Variants in SUPT5H observed in about 807,000 individuals in gnomAD.
SUPT5H encodes the protein SPT5 homolog, DSIF elongation factor subunit, also known as transcription elongation factor SPT5.
In SUPT5H, 24 loss-of-function variants were observed where a neutral mutation model predicts 142.5. The observed-to-expected ratio is 0.17, with a 90% CI of 0.12 to 0.24. SUPT5H has a LOEUF of 0.24. Ranked by LOEUF, SUPT5H falls within the 10% of genes least tolerant of loss-of-function variation. The pLI is 1.00. For missense variants in SUPT5H, 893 were observed against 1,471.8 expected (o/e 0.61, Z 6.43); for synonymous variants, 546 against 553.0 (o/e 0.99, Z 0.18).
chr19:39,450,731 C>G (rs2079010916), intron 2 of SUPT5H, among the ~76,000 whole-genome samples: 1 of 152,164 alleles, frequency 6.6e-6, no homozygotes, highest in African/African-American at 2.4e-5. Context: ...AAGGACAAGA[C>G]CTTAAGCTAC....
Position 39,458,056 on chromosome 19 carries a change from C to G in SUPT5H, c.308-238C>G, listed in dbSNP as rs2079113696. ...CCCCCCACTTCCTGGGCCAGTGCCC[C>G]CCTTTCCCCGTTATTTTCCGTTCTG... On this transcript the variant is annotated intron_variant, in intron 4 of 29. Coordinates refer to ENST00000432763, the MANE Select transcript of SUPT5H (RefSeq NM_001111020.3). The surrounding 1 kb of genome is among the most constrained non-coding windows in gnomAD (Gnocchi z 4.2). The G allele has an allele frequency of 1.3e-6, 1 of 758,756 alleles. No individual in the cohort carries two copies. The highest frequency in any genetic ancestry group is 2.1e-6 in the Non-Finnish European group (1 of 476,352). 47.0% of individuals were successfully genotyped at this position (758,756 alleles called of 1,614,324 possible). A position where few individuals can be genotyped will look rare whatever the true frequency, so the allele number is the denominator to read the frequency against.
chr19:39,474,767 C>G lies in SUPT5H; in HGVS notation c.3024+49C>G. 4 of 1,549,988 alleles carry G rather than the reference C, an allele frequency of 2.6e-6. No individual in the cohort carries two copies. Among genetic ancestry groups the G allele is most frequent in the Non-Finnish European group, 3.5e-6 (4 of 1,143,398 alleles). On this transcript the variant is annotated intron_variant, in intron 28 of 29. Transcript: ENST00000432763. This position sits in a 1 kb window ranked among gnomAD's most constrained non-coding sequence, Gnocchi z 6.5. ...GTGAGCAGGCATCCTCTCCTTGGTACCCCCTAAACTGGAGACAGACCTGTC... is the reference window on the plus strand; with the variant it reads ...GTGAGCAGGCATCCTCTCCTTGGTAGCCCCTAAACTGGAGACAGACCTGTC...
chr19:39,474,178 C>G lies in SUPT5H; in HGVS notation c.2652-56C>G. Reference sequence around the variant, plus strand: ...CCTGCCCAAACCCTCCTACTGCCACCACCTCTTTTCCCCTCCCTCCTCCAA... The same window carrying G: ...CCTGCCCAAACCCTCCTACTGCCACGACCTCTTTTCCCCTCCCTCCTCCAA... On this transcript the variant is annotated intron_variant, in intron 26 of 29. Transcript: ENST00000432763. This position sits in a 1 kb window ranked among gnomAD's most constrained non-coding sequence, Gnocchi z 6.5. 3.7e-6 allele frequency: 6 copies of G among 1,611,758 alleles called. No homozygotes were observed. Among genetic ancestry groups the G allele is most frequent in the Non-Finnish European group, 5.1e-6 (6 of 1,178,798 alleles).
At chr19:39,445,765 A>T in intron 1 of SUPT5H, 39 bp from the exon 2 acceptor site, 1 of 1,125,658 alleles carries the variant, frequency 8.9e-7, no homozygotes, top group Non-Finnish European at 1.3e-6. Flanking sequence ...TGCCAAAACG[A>T]GCCTGCCGGA....
Position 39,469,182 on chromosome 19 carries a change from C to A in SUPT5H, c.1237+10C>A, listed in dbSNP as rs769970708. On this transcript the variant is annotated intron_variant, in intron 15 of 29. Transcript: ENST00000432763. The surrounding 1 kb of genome is among the most constrained non-coding windows in gnomAD (Gnocchi z 5.1). ...GTGACTGAGAGCACAGGTATTTGAT[C>A]CCCCTCTATAACCTGGGCCAAGGAG... 6 of 1,614,076 alleles carry A rather than the reference C, an allele frequency of 3.7e-6. No individual in the cohort carries two copies. The Admixed American group carries it at 6.7e-5, about 18-fold the overall frequency.
chr19:39,446,979 G>T (rs2078962209), intron 2 of SUPT5H, among the ~76,000 whole-genome samples: 1 of 152,204 alleles, frequency 6.6e-6, no homozygotes, highest in South Asian at 2.1e-4. Flanking sequence ...CTGCACTGCA[G>T]CCTGGGCGAC....
At chr19:39,471,965 G>A (rs2079327023) in intron 20 of SUPT5H, 2 of 602,532 alleles carry the variant, frequency 3.3e-6, no homozygotes, top group African/African-American at 3.7e-5. Flanking sequence ...CCAGACACTG[G>A]AGAACCAGTG....
intron 2 of SUPT5H, among the ~76,000 whole-genome samples, chr19:39,449,537 C>G (rs2078994138): frequency 6.6e-6 from 1 of 152,090 alleles, no homozygotes; most frequent in Admixed American, 6.6e-5. Flanking sequence ...TCACAGTGGT[C>G]AGGGCTGTGA....
intron 3 of SUPT5H, 43 bp downstream of exon 3, chr19:39,453,564 T>G: frequency 6.9e-7 from 1 of 1,453,042 alleles, no homozygotes; most frequent in Non-Finnish European, 9.1e-7. Flanking sequence ...AGGCTGAGCT[T>G]CTACTTTTAG....
intron 3 of SUPT5H, among the ~76,000 whole-genome samples, chr19:39,454,398 A>G (rs1163676030): frequency 1.4e-5 from 2 of 139,686 alleles, no homozygotes; most frequent in Non-Finnish European, 3.0e-5. Flanking sequence ...CTCAGGCTGG[A>G]GTGCAGTGGT....
chr19:39,475,101 G>T (rs930536106), intron 28 of SUPT5H: 1 of 283,286 alleles, frequency 3.5e-6, no homozygotes, highest in Admixed American at 4.9e-5. Flanking sequence ...GCCAAAGGGG[G>T]CCAAGCAGTG....
In SUPT5H at chr19:39,469,035, C is replaced by A. The variant is rs530284965; in HGVS notation, c.1144-44C>A. The A allele has an allele frequency of 1.2e-6, 2 of 1,611,334 alleles. No homozygotes were observed. The highest frequency in any genetic ancestry group is 1.7e-5 in the Admixed American group (1 of 60,012). On this transcript the variant is annotated intron_variant, in intron 14 of 29. Transcript: ENST00000432763. The surrounding 1 kb of genome is among the most constrained non-coding windows in gnomAD (Gnocchi z 5.1). ...CCACTCAGCTGGGCTGTTGCACTGACCTCGGTCCATTTCCTTCTCTTCCCC... is the reference window on the plus strand; with the variant it reads ...CCACTCAGCTGGGCTGTTGCACTGAACTCGGTCCATTTCCTTCTCTTCCCC...
chr19:39,459,894 T>C lies in SUPT5H; in HGVS notation c.558T>C (p.Ile186=). 1 of 1,614,108 alleles carries C rather than the reference T, an allele frequency of 6.2e-7. No individual in the cohort carries two copies. ...DPNLWTVKCK[I]GEERATAISL... ...CAAATCTGCCTCTCATCTTCCAGAT[T>C]GGGGAGGAACGGGCCACGGCCATTT... The change falls in exon 10 of 30, where the codon ATT becomes ATC. Residue 186 remains isoleucine, a splice_region_variant and synonymous_variant. Coordinates refer to ENST00000432763, the MANE Select transcript of SUPT5H (RefSeq NM_001111020.3).
intron 13 of SUPT5H, chr19:39,467,105 G>A (rs556507092): frequency 1.2e-5 from 2 of 168,860 alleles, no homozygotes; most frequent in Middle Eastern, 6.1e-3. Context: ...TGATGAGGCT[G>A]GGCGTGATGG....
rs1473325335 is a variant in SUPT5H, at chr19:39,446,076, C to G, written c.75+111C>G. The stretch of plus-strand genomic sequence containing the variant: ...CACAGCGGGCTCTGGCTTCTGGGAA[C>G]TCCCAGATTGTCTCAAGAGATAGAG... On this transcript the variant is annotated intron_variant, in intron 2 of 29. Coordinates refer to ENST00000432763, the MANE Select transcript of SUPT5H (RefSeq NM_001111020.3). 3.4e-6 allele frequency: 4 copies of G among 1,169,072 alleles called. No individual in the cohort carries two copies. In the African/African-American group the frequency reaches 6.1e-5, roughly 18 times the overall value. 72.4% of individuals were successfully genotyped at this position (1,169,072 alleles called of 1,614,324 possible).
intron 2 of SUPT5H, among the ~76,000 whole-genome samples, chr19:39,447,275 G>A (rs1262187158): frequency 6.6e-6 from 1 of 152,118 alleles, no homozygotes; most frequent in Non-Finnish European, 1.5e-5. Flanking sequence ...TAAGGAATTT[G>A]GTCTTAACTG....
chr19:39,461,723 C>T (rs1294238945), intron 10 of SUPT5H, among the ~76,000 whole-genome samples: 1 of 150,610 alleles, frequency 6.6e-6, no homozygotes, highest in Non-Finnish European at 1.5e-5. Flanking sequence ...ACTTGGGAGG[C>T]TGAGACAGGA....
Position 39,472,867 on chromosome 19 carries a change from G to A in SUPT5H, c.2093G>A (p.Arg698Gln). 2 of 1,613,718 alleles carry A rather than the reference G, an allele frequency of 1.2e-6. No individual in the cohort carries two copies. The highest frequency in any genetic ancestry group is 1.3e-5 in the African/African-American group (1 of 75,028). Residue 698 changes from arginine to glutamine, a missense_variant, in exon 22 of 30, where the codon CGG (arginine) becomes CAG (glutamine). Around this residue, in one of 6 missense-constraint regions of SUPT5H, gnomAD observed 336 missense variants for 546.5 expected, o/e 0.61. Coordinates refer to ENST00000432763, the MANE Select transcript of SUPT5H (RefSeq NM_001111020.3). This position sits in a 1 kb window ranked among gnomAD's most constrained non-coding sequence, Gnocchi z 4.2. ...GGGSGGMSRG[R>Q]GRRDNELIGQ... ...GGCAGTGGTGGCATGAGCAGGGGCC[G>A]GGGCCGGAGGGACAACGAACTCATC...
At position 39,476,258 on chromosome 19, in the gene SUPT5H, G is replaced by T. The variant is rs767010792; in HGVS notation, c.3123G>T (p.Val1041=). ...GACCATATTCCCCCCACCCCCAGGT[G>T]AAAGTGATCCTGGGCGAGGATCGGG... ...EPITPTKNNK[V]KVILGEDREA... is the part of the protein sequence containing the mutation. The change falls in exon 30 of 30, where the codon GTG becomes GTT. Residue 1041 remains valine (V), a splice_region_variant and synonymous_variant. Coordinates refer to ENST00000432763, the MANE Select transcript of SUPT5H (RefSeq NM_001111020.3). 2 of 1,613,996 alleles carry T rather than the reference G, an allele frequency of 1.2e-6. No individual in the cohort carries two copies. The highest frequency in any genetic ancestry group is 1.7e-6 in the Non-Finnish European group (2 of 1,180,018).
Sources: allele counts gnomAD v4.1 joint callset (sites outside exome capture counted in the v4.1 genomes callset), GRCh38; gene constraint gnomAD v4.1.1; regional missense constraint gnomAD v4.1.1; non-coding constraint Gnocchi (gnomAD v3.1); transcripts MANE v1.5; gene names NCBI Gene and HGNC (gene_info 2026-07-23, HGNC 2026-07-21).